Variants in CUX1 observed in about 807,000 individuals in gnomAD.
CUX1 encodes the protein cut like homeobox 1.
In CUX1, 31 loss-of-function variants were observed where a neutral mutation model predicts 158.8. That is an observed-to-expected ratio of 0.20 (90% CI 0.15 to 0.26). The LOEUF (loss-of-function observed/expected upper bound fraction) is 0.26, where lower values mean the gene tolerates loss of function less well. CUX1 is among the 10% of genes least tolerant of loss of function. The pLI, the probability that CUX1 is intolerant of heterozygous loss-of-function variation, is 1.00. For missense variants in CUX1, 1,589 were observed against 2,014.6 expected, an observed-to-expected ratio of 0.79 and a Z score of 4.04; for synonymous variants, 879 against 862.1, an observed-to-expected ratio of 1.02 and a Z score of -0.34.
chr7:101,850,403 C>G (rs916195943), intron 1 of CUX1, among the ~76,000 whole-genome samples: 3 of 140,204 alleles, frequency 2.1e-5, no homozygotes, highest in Non-Finnish European at 3.1e-5. Flanking sequence ...CCCTGGTTTT[C>G]TTTTTCTTTC....
At chr7:101,865,276 A>G (rs1478088975) in intron 1 of CUX1, among the ~76,000 whole-genome samples, 1 of 152,206 alleles carries the variant, frequency 6.6e-6, no homozygotes, top group East Asian at 1.9e-4. Flanking sequence ...AGTTGCTGTT[A>G]TTATAGACTG....
intron 14 of CUX1, 110 bp downstream of exon 14, chr7:102,195,713 G>A (rs1194722765): frequency 1.0e-6 from 1 of 967,484 alleles, no homozygotes; most frequent in Non-Finnish European, 1.5e-6. Context: ...CCAGAGAAGC[G>A]CCGGTTGACG....
intron 8 of CUX1, among the ~76,000 whole-genome samples, chr7:102,152,806 A>G (rs59722059): frequency 0.051 from 7,743 of 152,244 alleles, 656 homozygotes; most frequent in African/African-American, 0.18. Context: ...AGCCCCTCCG[A>G]GCCTGGCTGT....
chr7:102,222,811 C>CTTTTTT lies in CUX1; in HGVS notation c.3131-4535_3131-4530dup, dbSNP rs71123016. On this transcript the variant is annotated intron_variant, in intron 20 of 23. Transcript: ENST00000292535. ...GGCTGTGTGTCTCGGGGCACCGTAT[C>CTTTTTT]TTTTTTTTTTTTTTTTTTTTTTTTT... Among the ~76,000 whole-genome samples the CTTTTTT allele has an allele frequency of 1.3e-3, 33 of 25,522 alleles. 10 individuals carry two copies. Among genetic ancestry groups the CTTTTTT allele is most frequent in the Non-Finnish European group, 1.0e-3 (16 of 15,944 alleles). 16.7% of individuals were successfully genotyped at this position (25,522 alleles called of 152,430 possible).
At position 102,165,327 on chromosome 7, in the gene CUX1, C is replaced by T. The variant is rs575236965; in HGVS notation, c.724-5119C>T. 1.4e-4 allele frequency among the ~76,000 whole-genome samples: 21 copies of T among 149,822 alleles called. No individual in the cohort carries two copies. The South Asian group carries it at 4.0e-3, about 29-fold the overall frequency. Reference sequence around the variant, plus strand: ...CTACATCCTGTATTCACATCCCAATCGGGCACTGCGGTTAGGGGAAAGCTT... The same window carrying T: ...CTACATCCTGTATTCACATCCCAATTGGGCACTGCGGTTAGGGGAAAGCTT... On this transcript the variant is annotated intron_variant, in intron 9 of 23. Transcript: ENST00000292535.
chr7:101,848,411 G>T, intron 1 of CUX1, among the ~76,000 whole-genome samples: 1 of 152,284 alleles, frequency 6.6e-6, no homozygotes, highest in East Asian at 1.9e-4. Flanking sequence ...TGGCACCTCT[G>T]TGGCTTTTAA....
At chr7:102,281,828 C>T in intron 20 of CUX1, 2 of 1,603,646 alleles carry the variant, frequency 1.2e-6, no homozygotes, top group Non-Finnish European at 1.7e-6. Flanking sequence ...CTCACCCCCT[C>T]CTTGCTCCCA....
At chr7:102,282,686 A>G in intron 21 of CUX1, 2 of 1,610,004 alleles carry the variant, frequency 1.2e-6, no homozygotes, top group South Asian at 2.2e-5. Flanking sequence ...GCGAACGGGC[A>G]GCTCACCGTG....
At chr7:102,218,273 T>A (rs1797449548) in intron 20 of CUX1, among the ~76,000 whole-genome samples, 1 of 152,238 alleles carries the variant, frequency 6.6e-6, no homozygotes, top group Admixed American at 6.5e-5. Context: ...ACCTGGCACA[T>A]GGAGGGTTTC....
At chr7:102,110,133 A>G (rs1185403557) in intron 6 of CUX1, among the ~76,000 whole-genome samples, 1 of 152,200 alleles carries the variant, frequency 6.6e-6, no homozygotes, top group Non-Finnish European at 1.5e-5. Context: ...ACTATATTAA[A>G]CACTTCTATT....
At chr7:102,070,534 C>T in intron 4 of CUX1, 117 bp downstream of exon 4, 1 of 714,956 alleles carries the variant, frequency 1.4e-6, no homozygotes, top group Non-Finnish European at 2.3e-6. Context: ...TCAGTGGCAA[C>T]TTCCCCCCAA....
chr7:102,051,654 C>CAAAAAAAAAAA (rs1299911064), intron 3 of CUX1, among the ~76,000 whole-genome samples: 8 of 89,750 alleles, frequency 8.9e-5, no homozygotes, highest in African/African-American at 2.8e-4. Flanking sequence ...GACTCTGTCT[C>CAAAAAAAAAAA]AAAAAAAAAA....
rs989796153 is a variant in CUX1, at chr7:102,248,041, G to C, written c.3888-371G>C. Among the ~76,000 whole-genome samples, 2 of 152,192 alleles carry C rather than the reference G, an allele frequency of 1.3e-5. No homozygotes were observed. The highest frequency in any genetic ancestry group is 4.8e-5 in the African/African-American group (2 of 41,444). On this transcript the variant is annotated intron_variant, in intron 23 of 23. Transcript: ENST00000292535. This position sits in a 1 kb window ranked among gnomAD's most constrained non-coding sequence, Gnocchi z 5.8. ...AGGTACTCTGGAGGCTGAGGCAGGA[G>C]AATCGCTTGAACCCAGGAGGCAGAG...
chr7:102,268,685 C>T (rs1409208229), intron 14 of CUX1, among the ~76,000 whole-genome samples: 1 of 152,100 alleles, frequency 6.6e-6, no homozygotes, highest in African/African-American at 2.4e-5. Context: ...CAGGCTGTAC[C>T]AGAAGCGTGG....
intron 8 of CUX1, among the ~76,000 whole-genome samples, chr7:102,146,315 G>C (rs563990622): frequency 6.6e-6 from 1 of 152,334 alleles, no homozygotes; most frequent in South Asian, 2.1e-4. Flanking sequence ...GTCACAGGCT[G>C]TTCCCGATCA....
At chr7:101,816,975 C>T (rs1791893137), upstream of CUX1, 1 of 983,868 alleles carries the variant, frequency 1.0e-6, no homozygotes, top group South Asian at 4.7e-5. Context: ...GCGCACCTCG[C>T]GGCCGCCGCG....
Position 102,257,587 on chromosome 7 carries a change from A to C in CUX1, c.*8545A>C. On this transcript the variant is annotated 3_prime_UTR_variant, in exon 24 of 24. Coordinates refer to ENST00000292535, the MANE Select transcript of CUX1 (RefSeq NM_181552.4). ...CCTAGTTCTTTGCGTTTGTGCAATAACTCTTTGCTGCTTGCCTTGAGAGCG... is the reference window on the plus strand; with the variant it reads ...CCTAGTTCTTTGCGTTTGTGCAATACCTCTTTGCTGCTTGCCTTGAGAGCG... The C allele has an allele frequency of 1.0e-6, 1 of 985,226 alleles. No homozygotes were observed. Among genetic ancestry groups the C allele is most frequent in the Non-Finnish European group, 1.2e-6 (1 of 829,892 alleles). The allele number at this position is 985,226 out of a possible 1,614,324, so 61.0% of individuals were successfully genotyped here.
intron 3 of CUX1, among the ~76,000 whole-genome samples, chr7:102,030,691 G>GTTTTTTTTTTTTTTTTGTTGTTTTTTGT (rs71119801): frequency 8.4e-6 from 1 of 119,386 alleles, no homozygotes. Flanking sequence ...TTTAAAAAGT[G>GTTTTTTTTTTTTTTTTGTTGTTTTTTGT]TTTTTTTTTT....
At chr7:101,851,096 G>C (rs975235214) in intron 1 of CUX1, among the ~76,000 whole-genome samples, 1 of 152,128 alleles carries the variant, frequency 6.6e-6, no homozygotes, top group Non-Finnish European at 1.5e-5. Context: ...GTGACAGAGC[G>C]AGAGTCTGTC....
Sources: allele counts gnomAD v4.1 joint callset (sites outside exome capture counted in the v4.1 genomes callset), GRCh38; gene constraint gnomAD v4.1.1; non-coding constraint Gnocchi (gnomAD v3.1); transcripts MANE v1.5; gene names NCBI Gene and HGNC (gene_info 2026-07-23, HGNC 2026-07-21).